DIS3L2: variants seen among roughly 807,000 people sequenced by gnomAD.
DIS3L2 encodes the protein DIS3-like exonuclease 2.
A neutral mutation model predicts 97.5 loss-of-function variants in DIS3L2; 34 were observed. That is an observed-to-expected ratio of 0.35 (90% CI 0.27 to 0.46). DIS3L2 has a LOEUF of 0.46. Among genes scored for constraint, DIS3L2 ranks in the 20% least tolerant of loss-of-function variants. The pLI is 1.00. For synonymous variants in DIS3L2, 435 were observed against 445.2 expected (o/e 0.98, Z 0.29); for missense variants, 1,038 against 1,146.0 (o/e 0.91, Z 1.36).
intron 11 of DIS3L2, among the ~76,000 whole-genome samples, chr2:232,243,398 G>A (rs773266915): frequency 2.6e-5 from 4 of 151,858 alleles, no homozygotes; most frequent in Non-Finnish European, 2.9e-5. Flanking sequence ...GAAGTGATAC[G>A]GTCTCCTTCC....
At chr2:232,291,652 C>G (rs1559195809) in intron 13 of DIS3L2, among the ~76,000 whole-genome samples, 2 of 152,258 alleles carry the variant, frequency 1.3e-5, no homozygotes, top group African/African-American at 4.8e-5. Flanking sequence ...ATAACTCACA[C>G]TGTGCTCTTA....
chr2:232,086,457 G>A (rs1696623586), intron 5 of DIS3L2, among the ~76,000 whole-genome samples: 1 of 147,810 alleles, frequency 6.8e-6, no homozygotes, highest in Non-Finnish European at 1.5e-5. Flanking sequence ...TCAGCCTGCA[G>A]ATTGTATAAC....
intron 9 of DIS3L2, among the ~76,000 whole-genome samples, chr2:232,192,861 G>A (rs1282795218): frequency 6.6e-6 from 1 of 152,176 alleles, no homozygotes. Context: ...GGATGCTGTG[G>A]TGTCTCCCAG....
chr2:232,004,136 G>A (rs1693983703), intron 1 of DIS3L2, among the ~76,000 whole-genome samples: 1 of 152,020 alleles, frequency 6.6e-6, no homozygotes, highest in Non-Finnish European at 1.5e-5. Context: ...GCAGTGGCAT[G>A]ATCTTGGCTC....
chr2:232,250,940 A>G (rs1009298159), intron 12 of DIS3L2, among the ~76,000 whole-genome samples: 6 of 152,224 alleles, frequency 3.9e-5, no homozygotes, highest in East Asian at 1.9e-4. Flanking sequence ...GTCTTTCCCT[A>G]CAGTAAAGCT....
intron 1 of DIS3L2, among the ~76,000 whole-genome samples, chr2:231,969,581 G>T (rs773260469): frequency 1.3e-5 from 2 of 152,180 alleles, no homozygotes; most frequent in African/African-American, 2.4e-5. Flanking sequence ...AAAGTGCTGG[G>T]ATTACAGGCG....
At chr2:232,289,263 G>A (rs1694532672) in intron 13 of DIS3L2, among the ~76,000 whole-genome samples, 1 of 150,020 alleles carries the variant, frequency 6.7e-6, no homozygotes, top group Admixed American at 6.6e-5. Flanking sequence ...TTTTTTTTTG[G>A]AGACTTGTCC....
intron 10 of DIS3L2, among the ~76,000 whole-genome samples, chr2:232,224,310 TG>T (rs1279028383): frequency 2.0e-5 from 3 of 152,126 alleles, no homozygotes; most frequent in Non-Finnish European, 4.4e-5. Flanking sequence ...GGGGAAAAAT[TG>T]GTTTTGACCC....
chr2:232,263,045 T>C (rs1693753411), intron 12 of DIS3L2, among the ~76,000 whole-genome samples, 162 bp from the exon 13 acceptor site: 1 of 152,210 alleles, frequency 6.6e-6, no homozygotes, highest in African/African-American at 2.4e-5. Flanking sequence ...AGCTTCCATC[T>C]CTGATTCATC....
At chr2:231,971,227 G>A (rs945105476) in intron 1 of DIS3L2, among the ~76,000 whole-genome samples, 20 of 151,836 alleles carry the variant, frequency 1.3e-4, no homozygotes, top group Admixed American at 3.9e-4. Context: ...TTGTTACATG[G>A]GTAAATTGTG....
chr2:232,181,350 T>C (rs1249258), intron 9 of DIS3L2, among the ~76,000 whole-genome samples: 124 of 151,380 alleles, frequency 8.2e-4, no homozygotes, highest in African/African-American at 2.7e-3. Context: ...TGAATCTGAA[T>C]GTTGGGCTGC....
chr2:232,182,076 C>T (rs1212717690), intron 9 of DIS3L2, among the ~76,000 whole-genome samples: 3 of 152,180 alleles, frequency 2.0e-5, no homozygotes, highest in Non-Finnish European at 4.4e-5. Context: ...ACAGCTACTC[C>T]CTCCCTACTT....
chr2:232,198,330 GT>G (rs767991852), intron 9 of DIS3L2, among the ~76,000 whole-genome samples: 30 of 152,152 alleles, frequency 2.0e-4, no homozygotes, highest in Middle Eastern at 3.2e-3. Flanking sequence ...TTTATAGATT[GT>G]ATAGAACTTT....
intron 9 of DIS3L2, 24 bp from the exon 10 acceptor site, chr2:232,210,302 A>G (rs1365817942): frequency 2.5e-6 from 4 of 1,597,508 alleles, no homozygotes; most frequent in Non-Finnish European, 3.4e-6. Flanking sequence ...TGGCATTGCT[A>G]ATTGTTTCTT....
chr2:231,972,117 G>A (rs1221326333), intron 1 of DIS3L2, among the ~76,000 whole-genome samples: 3 of 151,726 alleles, frequency 2.0e-5, no homozygotes, highest in South Asian at 2.1e-4. Flanking sequence ...CCTGGGAGGC[G>A]GAGGTTGCAG....
intron 13 of DIS3L2, among the ~76,000 whole-genome samples, chr2:232,291,830 G>A (rs921386459): frequency 6.6e-6 from 1 of 152,238 alleles, no homozygotes; most frequent in Non-Finnish European, 1.5e-5. Flanking sequence ...TTGTCCATGA[G>A]AGGTCATCTT....
chr2:232,171,231 A>G (rs1455861652), intron 9 of DIS3L2, among the ~76,000 whole-genome samples: 1 of 152,234 alleles, frequency 6.6e-6, no homozygotes, highest in Non-Finnish European at 1.5e-5. Context: ...GGTGTCATGC[A>G]GAAAAAGGAT....
chr2:232,219,983 A>G (rs1692446425), intron 10 of DIS3L2, among the ~76,000 whole-genome samples: 1 of 152,152 alleles, frequency 6.6e-6, no homozygotes, highest in Admixed American at 6.5e-5. Flanking sequence ...TTAAACACCA[A>G]GTACAGTGCT....
chr2:232,113,498 A>G lies in DIS3L2; in HGVS notation c.602-17121A>G, dbSNP rs554490205. Among the ~76,000 whole-genome samples, 3 of 152,310 alleles carry G rather than the reference A, an allele frequency of 2.0e-5. No individual in the cohort carries two copies. The East Asian group carries it at 5.8e-4, about 29-fold the overall frequency. On this transcript the variant is annotated intron_variant, in intron 6 of 20. Coordinates refer to ENST00000325385, the MANE Select transcript of DIS3L2 (RefSeq NM_152383.5). ...AAAGTGGTTCCACTCCTTTTATCTTAGGGTCCACACCTATTCCCACTATGC... is the reference window on the plus strand; with the variant it reads ...AAAGTGGTTCCACTCCTTTTATCTTGGGGTCCACACCTATTCCCACTATGC...
Sources: gnomAD v4.1 joint callset for allele counts (sites outside exome capture counted in the v4.1 genomes callset) on GRCh38, gnomAD v4.1.1 for gene constraint, MANE v1.5 for transcripts, NCBI Gene and HGNC (gene_info 2026-07-23, HGNC 2026-07-21) for gene names.